The following IL7 variants were observed in gnomAD, a reference collection of about 807,000 sequenced individuals.
IL7 encodes the protein interleukin 7.
IL7 carries 3 observed loss-of-function variants against 21.6 expected under a neutral mutation model. The ratio of observed to expected loss-of-function variants is 0.14; its 90% CI spans 0.06 to 0.36. The LOEUF is 0.36. IL7 is among the 10% of genes least tolerant of loss of function. The pLI is 1.00. For synonymous variants in IL7, 62 were observed against 68.1 expected (o/e 0.91, Z 0.44); for missense variants, 175 against 200.2 (o/e 0.87, Z 0.76).
At chr8:78,681,977 G>A (rs1258228476) in intron 4 of IL7, among the ~76,000 whole-genome samples, 1 of 150,234 alleles carries the variant, frequency 6.7e-6, no homozygotes, top group Non-Finnish European at 1.5e-5. Flanking sequence ...CCTGGCCTCA[G>A]GTGATTTCTG....
At chr8:78,717,214 TA>T, downstream of IL7, 2 of 975,010 alleles carry the variant, frequency 2.1e-6, no homozygotes, top group Non-Finnish European at 2.9e-6. Context: ...AGAGGAATAT[TA>T]AAAACGAGAT....
Position 78,703,308 on chromosome 8 carries a change from T to C in IL7, n.215-17361A>G, listed in dbSNP as rs189083811. Among the ~76,000 whole-genome samples, 21 of 152,302 alleles carry C rather than the reference T, an allele frequency of 1.4e-4. No homozygotes were observed. The East Asian group carries it at 4.0e-3, about 29-fold the overall frequency. On this transcript the variant is annotated intron_variant and non_coding_transcript_variant, in intron 3 of 4. Transcript: ENST00000523959. ...CAGGTCCATTTGATCCAGTGCTGAG[T>C]TCAGGTCCTAAATATTTATTTGTTA... is the stretch of plus-strand genomic sequence containing the variant.
chr8:78,732,749 T>C (rs1811449785), downstream of IL7: 1 of 152,170 alleles, frequency 6.6e-6, no homozygotes, highest in Non-Finnish European at 1.5e-5. Context: ...TCTGTTGAGA[T>C]TTATTAACTG....
At chr8:78,734,655 A>T (rs1811512198) in intron 5 of IL7, among the ~76,000 whole-genome samples, 1 of 152,200 alleles carries the variant, frequency 6.6e-6, no homozygotes, top group South Asian at 2.1e-4. Context: ...AACAATCACT[A>T]GCAAGTAAAT....
Position 78,770,867 on chromosome 8 carries a change from G to A in IL7, c.147+27205C>T, listed in dbSNP as rs137886714. Among the ~76,000 whole-genome samples the A allele has an allele frequency of 3.3e-5, 5 of 152,028 alleles. No homozygotes were observed. The East Asian group carries it at 9.7e-4, about 29-fold the overall frequency. On this transcript the variant is annotated intron_variant, in intron 2 of 5. Transcript: ENST00000263851. ...TTATACACACATTATTATAATTTAA[G>A]CCTTTAAGTTCCTATCTGATGGAGA... is the stretch of plus-strand genomic sequence containing the variant.
chr8:78,768,134 T>C (rs1477494444), intron 2 of IL7, among the ~76,000 whole-genome samples: 2 of 152,222 alleles, frequency 1.3e-5, no homozygotes, highest in Non-Finnish European at 2.9e-5. Flanking sequence ...TATTCCATGG[T>C]GTATATGTGC....
At chr8:78,694,096 C>G (rs1032660447) in intron 3 of IL7, among the ~76,000 whole-genome samples, 5 of 152,134 alleles carry the variant, frequency 3.3e-5, no homozygotes, top group African/African-American at 9.7e-5. Flanking sequence ...GTCTATATCT[C>G]TGTTTTGTGT....
In IL7 at chr8:78,761,297, A is replaced by G. The variant is rs200118827; in HGVS notation, c.148-21215T>C. On this transcript the variant is annotated intron_variant, in intron 2 of 5. Coordinates refer to ENST00000263851, the MANE Select transcript of IL7 (RefSeq NM_000880.4). ...CTCGATTGTTCCTAATGCAACAGAT[A>G]CTCCCATAACAGGTACTGATTTTGC... 1,332 of 1,610,332 alleles carry G rather than the reference A, an allele frequency of 8.3e-4. 15 individuals carry two copies. The highest frequency in any genetic ancestry group is 2.3e-4 in the Middle Eastern group (1 of 4,444).
chr8:78,796,530 T>A (rs993072144), intron 2 of IL7, among the ~76,000 whole-genome samples: 2 of 151,792 alleles, frequency 1.3e-5, no homozygotes, highest in Admixed American at 6.6e-5. Context: ...ATGAAAAAAA[T>A]TAAAAAAGAG....
chr8:78,797,057 C>T (rs1051656033), intron 2 of IL7, among the ~76,000 whole-genome samples: 3 of 151,938 alleles, frequency 2.0e-5, no homozygotes, highest in Non-Finnish European at 2.9e-5. Flanking sequence ...ATTCAATAGA[C>T]TGTTATCCAG....
rs138077820 is a variant in IL7, at chr8:78,804,455, G to A, written c.10+458C>T. 2.9e-3 allele frequency among the ~76,000 whole-genome samples: 438 copies of A among 152,274 alleles called. 1 individual carries two copies. Among genetic ancestry groups the A allele is most frequent in the African/African-American group, 0.01 (416 of 41,556 alleles). ...CCCCTAGGGTTTAAAAGCGCGTCCCGTGGGAGCTTCGCTTTCACTTCTCTA... is the reference window on the plus strand; with the variant it reads ...CCCCTAGGGTTTAAAAGCGCGTCCCATGGGAGCTTCGCTTTCACTTCTCTA... On this transcript the variant is annotated intron_variant, in intron 1 of 5. Coordinates refer to ENST00000263851, the MANE Select transcript of IL7 (RefSeq NM_000880.4).
intron 2 of IL7, among the ~76,000 whole-genome samples, chr8:78,766,720 T>C (rs1025852917): frequency 3.9e-5 from 6 of 152,168 alleles, no homozygotes; most frequent in Admixed American, 6.6e-5. Flanking sequence ...TATTGATGAA[T>C]AGTCAAATAT....
At chr8:78,694,919 G>A (rs1347180410) in intron 3 of IL7, among the ~76,000 whole-genome samples, 1 of 152,050 alleles carries the variant, frequency 6.6e-6, no homozygotes, top group African/African-American at 2.4e-5. Context: ...AAAATTGTTG[G>A]TTGATAGAGT....
At chr8:78,700,255 T>C (rs1810556846) in intron 3 of IL7, among the ~76,000 whole-genome samples, 1 of 152,250 alleles carries the variant, frequency 6.6e-6, no homozygotes, top group Non-Finnish European at 1.5e-5. Flanking sequence ...GTTGACCGCA[T>C]GTATGTCTTC....
intron 2 of IL7, among the ~76,000 whole-genome samples, chr8:78,784,463 ATC>A (rs1220677876): frequency 6.6e-6 from 1 of 152,224 alleles, no homozygotes; most frequent in Non-Finnish European, 1.5e-5. Flanking sequence ...GTATATCAAC[ATC>A]TTTACAACAT....
intron 4 of IL7, among the ~76,000 whole-genome samples, chr8:78,737,540 A>G (rs1489734235): frequency 6.6e-6 from 1 of 152,142 alleles, no homozygotes; most frequent in Non-Finnish European, 1.5e-5. Flanking sequence ...AATCCAGCAC[A>G]CTAAGAGGAG....
intron 2 of IL7, among the ~76,000 whole-genome samples, chr8:78,782,620 G>C (rs1441646653): frequency 6.6e-6 from 1 of 151,978 alleles, no homozygotes; most frequent in Non-Finnish European, 1.5e-5. Context: ...GAGGGTTATT[G>C]ACTTCATGTT....
intron 5 of IL7, among the ~76,000 whole-genome samples, chr8:78,736,230 TAAA>T (rs3071812): frequency 4.7e-4 from 69 of 146,464 alleles, no homozygotes; most frequent in African/African-American, 1.0e-3. Flanking sequence ...CTGCTTCTTC[TAAA>T]AAAAAAAAAA....
intron 2 of IL7, among the ~76,000 whole-genome samples, chr8:78,785,469 A>G (rs1052544074): frequency 9.8e-5 from 15 of 152,334 alleles, no homozygotes; most frequent in African/African-American, 3.4e-4. Flanking sequence ...TGTCACATCT[A>G]AAATGGAGGG....
Sources: allele counts gnomAD v4.1 joint callset (sites outside exome capture counted in the v4.1 genomes callset), GRCh38; gene constraint gnomAD v4.1.1; transcripts MANE v1.5; gene names NCBI Gene and HGNC (gene_info 2026-07-23, HGNC 2026-07-21).